Variants in DDX25 observed in about 807,000 individuals in gnomAD.
The protein encoded by DDX25 is DEAD-box helicase 25.
Under a neutral mutation model 64.6 loss-of-function variants are expected in DDX25, and 70 were observed. That is an observed-to-expected ratio of 1.08 (90% CI 0.89 to 1.32). The LOEUF (loss-of-function observed/expected upper bound fraction) is 1.32, where lower values mean the gene tolerates loss of function less well. DDX25 is among the 40% of genes most tolerant of loss of function. The pLI, the probability that DDX25 is intolerant of heterozygous loss-of-function variation, is 0.00. For missense variants in DDX25, 587 were observed against 604.4 expected (o/e 0.97, Z 0.30); for synonymous variants, 211 against 213.3 (o/e 0.99, Z 0.09).
chr11:125,906,817 C>G (rs1944894478), intron 4 of DDX25, among the ~76,000 whole-genome samples: 1 of 96,872 alleles, frequency 1.0e-5, no homozygotes, highest in Non-Finnish European at 2.1e-5. Context: ...GAGTGAGACT[C>G]CGTCTCAAAA....
chr11:125,910,790 A>G (rs1944956245), intron 7 of DDX25, among the ~76,000 whole-genome samples: 1 of 152,218 alleles, frequency 6.6e-6, no homozygotes, highest in Non-Finnish European at 1.5e-5. Context: ...TTAAAATATT[A>G]TAAGCTTATA....
In DDX25 at chr11:125,923,071, C is replaced by G. The variant is rs1183290797; in HGVS notation, c.*190C>G. ...CCAAATTGATGTGAAGCTTGTGATC[C>G]TTTTGAATAAAAAAAAGGCAAGATT... On this transcript the variant is annotated 3_prime_UTR_variant, in exon 12 of 12. Transcript: ENST00000263576. The G allele has an allele frequency of 1.3e-5, 7 of 554,076 alleles. No individual in the cohort carries two copies. The highest frequency in any genetic ancestry group is 2.2e-5 in the Non-Finnish European group (7 of 312,484). The allele number at this position is 554,076 out of a possible 1,614,324, so 34.3% of individuals were successfully genotyped here.
chr11:125,913,231 G>C (rs1478606362), intron 8 of DDX25, among the ~76,000 whole-genome samples: 1 of 150,920 alleles, frequency 6.6e-6, no homozygotes, highest in Non-Finnish European at 1.5e-5. Context: ...TCCAGCTTCA[G>C]TCTGGTAGAT....
chr11:125,907,607 C>CAA (rs35864915), intron 4 of DDX25, among the ~76,000 whole-genome samples: 12 of 145,402 alleles, frequency 8.3e-5, no homozygotes, highest in East Asian at 2.0e-4. Flanking sequence ...GACTCCGTCT[C>CAA]AAAAAAAAAA....
intron 2 of DDX25, 74 bp downstream of exon 2, chr11:125,905,352 C>A: frequency 3.4e-6 from 5 of 1,484,658 alleles, no homozygotes; most frequent in Non-Finnish European, 4.6e-6. Flanking sequence ...CACGTCCCTG[C>A]CAAGTGAAAC....
At position 125,925,557 on chromosome 11, in the gene DDX25, A is replaced by C; in HGVS notation, c.*2676A>C. The stretch of plus-strand genomic sequence containing the variant: ...CTGCCTGAGGACAGAGTAGATAGAG[A>C]GGCAAGGAAACACCAGGTGATTTCA... On this transcript the variant is annotated 3_prime_UTR_variant, in exon 12 of 12. Transcript: ENST00000263576. The C allele has an allele frequency of 2.3e-6, 1 of 427,958 alleles. No individual in the cohort carries two copies. The highest frequency in any genetic ancestry group is 7.3e-5 in the East Asian group (1 of 13,726). 26.5% of individuals were successfully genotyped at this position (427,958 alleles called of 1,614,324 possible).
upstream of DDX25, chr11:125,904,493 G>C (rs1944846996): frequency 6.8e-7 from 1 of 1,473,284 alleles, no homozygotes; most frequent in Admixed American, 2.4e-5. Flanking sequence ...AGCACGTGCT[G>C]GGGGCGGGAG....
At chr11:125,920,749 C>T (rs1034397024) in intron 10 of DDX25, among the ~76,000 whole-genome samples, 1 of 152,094 alleles carries the variant, frequency 6.6e-6, no homozygotes, top group African/African-American at 2.4e-5. Context: ...GGCAAGGGCT[C>T]AAAAGACCTG....
At position 125,923,892 on chromosome 11, in the gene DDX25, C is replaced by T. The variant is rs583127; in HGVS notation, c.*1011C>T. The stretch of plus-strand genomic sequence containing the variant: ...CCTGTCATCGGTGGCATGGTGGTTC[C>T]TGGCATATCTATTTTGATATCCCTC... On this transcript the variant is annotated 3_prime_UTR_variant, in exon 12 of 12. Coordinates refer to ENST00000263576, the MANE Select transcript of DDX25 (RefSeq NM_013264.5). 0.38 allele frequency: 58,074 copies of T among 151,834 alleles called. 11,823 individuals carry two copies. The highest frequency in any genetic ancestry group is 0.48 in the Admixed American group (7,262 of 15,274). 9.4% of individuals were successfully genotyped at this position (151,834 alleles called of 1,614,324 possible). A position where few individuals can be genotyped will look rare whatever the true frequency, so the allele number is the denominator to read the frequency against.
rs756053356 is a variant in DDX25, at chr11:125,917,053, A to C, written c.840A>C (p.Ala280=). The part of the protein sequence containing the change: ...PSECQMLLFS[A]TFEDSVWHFA... ...AATGCCAAATGCTCCTCTTTTCAGC[A>C]ACCTTTGAGGACTCTGTGTGGCACT... The change falls in exon 9 of 12, where the codon GCA becomes GCC. Residue 280 remains alanine, a synonymous_variant. Coordinates refer to ENST00000263576, the MANE Select transcript of DDX25 (RefSeq NM_013264.5). The C allele has an allele frequency of 6.2e-7, 1 of 1,607,716 alleles. No individual in the cohort carries two copies. Among genetic ancestry groups the C allele is most frequent in the African/African-American group, 1.3e-5 (1 of 74,854 alleles).
chr11:125,913,523 G>T (rs1443137080), intron 8 of DDX25, among the ~76,000 whole-genome samples: 1 of 152,010 alleles, frequency 6.6e-6, no homozygotes, highest in Non-Finnish European at 1.5e-5. Context: ...AAACAGAAAA[G>T]TTTTTAAAAA....
At position 125,918,691 on chromosome 11, in the gene DDX25, T is replaced by G; in HGVS notation, c.1102T>G (p.Leu368Val). The G allele has an allele frequency of 1.2e-6, 2 of 1,613,958 alleles. No individual in the cohort carries two copies. The highest frequency in any genetic ancestry group is 1.7e-6 in the Non-Finnish European group (2 of 1,179,880). Residue 368 changes from leucine (L) to valine (V), a missense_variant, in exon 10 of 12, where the codon TTA (leucine) becomes GTA (valine). Transcript: ENST00000263576. ...MIQDGHQVSL[L>V]SGELTVEQRA... ...ACAGGATGGCCACCAGGTGTCTTTG[T>G]TAAGCGGGGAGCTGACCGTGGAGCA... is the stretch of plus-strand genomic sequence containing the variant.
At position 125,922,994 on chromosome 11, in the gene DDX25, G is replaced by T; in HGVS notation, c.*113G>T. On this transcript the variant is annotated 3_prime_UTR_variant, in exon 12 of 12. Coordinates refer to ENST00000263576, the MANE Select transcript of DDX25 (RefSeq NM_013264.5). ...TTTTCGACGTGAAACTGTCACAGAT[G>T]GCAAAATAAATGTCACGGTACTTAG... is the stretch of plus-strand genomic sequence containing the variant. 1.1e-6 allele frequency: 1 copy of T among 919,324 alleles called. No homozygotes were observed. The highest frequency in any genetic ancestry group is 2.8e-5 in the East Asian group (1 of 36,004). 56.9% of individuals were successfully genotyped at this position (919,324 alleles called of 1,614,324 possible). A position where few individuals can be genotyped will look rare whatever the true frequency, so the allele number is the denominator to read the frequency against.
chr11:125,905,511 C>T, intron 2 of DDX25, 42 bp from the exon 3 acceptor site: 1 of 1,536,100 alleles, frequency 6.5e-7, no homozygotes, highest in Non-Finnish European at 8.8e-7. Flanking sequence ...TTGTGCTCAG[C>T]ATTTGTCTTT....
At chr11:125,910,574 A>G (rs1944953837) in intron 7 of DDX25, 96 bp downstream of exon 7, 2 of 1,020,896 alleles carry the variant, frequency 2.0e-6, no homozygotes, top group African/African-American at 1.6e-5. Context: ...TCATCTCTAA[A>G]TGGGGGAAAT....
At chr11:125,915,066 C>T (rs1945019149) in intron 8 of DDX25, among the ~76,000 whole-genome samples, 1 of 152,150 alleles carries the variant, frequency 6.6e-6, no homozygotes. Flanking sequence ...GCCTCAGGCT[C>T]CCAAAGTGCT....
chr11:125,911,920 G>A (rs919358002), intron 8 of DDX25, among the ~76,000 whole-genome samples: 2 of 152,164 alleles, frequency 1.3e-5, no homozygotes, highest in Non-Finnish European at 1.5e-5. Context: ...GTAAAAAGCC[G>A]TGTCATTTTC....
chr11:125,918,931 C>T, intron 10 of DDX25, 141 bp downstream of exon 10: 1 of 1,053,208 alleles, frequency 9.5e-7, no homozygotes, highest in East Asian at 2.7e-5. Context: ...ATCTCCATCT[C>T]CCCAGTTTCC....
In DDX25 at chr11:125,922,933, A is replaced by C; in HGVS notation, c.*52A>C. 2 of 1,522,658 alleles carry C rather than the reference A, an allele frequency of 1.3e-6. No individual in the cohort carries two copies. The highest frequency in any genetic ancestry group is 1.8e-6 in the Non-Finnish European group (2 of 1,122,116). 94.3% of individuals were successfully genotyped at this position (1,522,658 alleles called of 1,614,324 possible). ...ATCCTAGTTTATGTGAGAATGTCTC[A>C]GTGGGTTTTGAAGGTAATTTTTTTA... On this transcript the variant is annotated 3_prime_UTR_variant, in exon 12 of 12. Transcript: ENST00000263576.
Sources: allele counts gnomAD v4.1 joint callset (sites outside exome capture counted in the v4.1 genomes callset), GRCh38; gene constraint gnomAD v4.1.1; transcripts MANE v1.5; gene names NCBI Gene and HGNC (gene_info 2026-07-23, HGNC 2026-07-21).